Variants in MPZL3 observed in about 807,000 individuals in gnomAD.
MPZL3 encodes the protein myelin protein zero-like protein 3.
A neutral mutation model predicts 24.8 loss-of-function variants in MPZL3; 23 were observed. The ratio of observed to expected loss-of-function variants is 0.93; its 90% CI spans 0.67 to 1.31. MPZL3 has a LOEUF of 1.31. MPZL3 is among the 40% of genes most tolerant of loss of function. The probability of loss-of-function intolerance (pLI) is 0.00; values close to 1 mark genes in which losing one functional copy is unlikely to be tolerated. For synonymous variants in MPZL3, 99 were observed against 106.5 expected, an observed-to-expected ratio of 0.93 and a Z score of 0.44; for missense variants, 277 against 294.9, an observed-to-expected ratio of 0.94 and a Z score of 0.44.
At chr11:118,242,336 A>G (rs1259832476) in intron 1 of MPZL3, among the ~76,000 whole-genome samples, 1 of 152,240 alleles carries the variant, frequency 6.6e-6, no homozygotes, top group African/African-American at 2.4e-5. Flanking sequence ...CATTTTGATC[A>G]TGTTGTTCAT....
chr11:118,244,729 G>C (rs1042978343), intron 1 of MPZL3, among the ~76,000 whole-genome samples: 2 of 152,224 alleles, frequency 1.3e-5, no homozygotes, highest in Admixed American at 6.5e-5. Flanking sequence ...GCCATGGAAA[G>C]TACTTAACTG....
At chr11:118,236,187 C>A (rs1284172181) in intron 3 of MPZL3, among the ~76,000 whole-genome samples, 1 of 152,094 alleles carries the variant, frequency 6.6e-6, no homozygotes, top group Non-Finnish European at 1.5e-5. Context: ...TGCCTTCCAG[C>A]AAAACTGTAT....
chr11:118,240,732 GACACACACACACACAC>G (rs56100329), intron 1 of MPZL3, among the ~76,000 whole-genome samples: 53 of 121,632 alleles, frequency 4.4e-4, no homozygotes, highest in African/African-American at 8.8e-4. Context: ...ATCCCCCGCA[GACACACACACACACAC>G]ACACACACAC....
chr11:118,234,539 T>C (rs935132907), intron 4 of MPZL3, among the ~76,000 whole-genome samples: 1 of 152,124 alleles, frequency 6.6e-6, no homozygotes, highest in Non-Finnish European at 1.5e-5. Flanking sequence ...GGCACATAAA[T>C]AAGTTCATGG....
At chr11:118,232,770 T>G (rs1949370713) in intron 5 of MPZL3, among the ~76,000 whole-genome samples, 1 of 152,172 alleles carries the variant, frequency 6.6e-6, no homozygotes, top group African/African-American at 2.4e-5. Flanking sequence ...CAATTAGTCA[T>G]CGAGCCAAGT....
intron 1 of MPZL3, among the ~76,000 whole-genome samples, chr11:118,248,183 C>G (rs1463571126): frequency 7.1e-6 from 1 of 140,474 alleles, no homozygotes; most frequent in Non-Finnish European, 1.5e-5. Context: ...TCAAATGATT[C>G]TTCTGTATTT....
Position 118,229,864 on chromosome 11 carries a change from G to A in MPZL3, c.*30C>T, listed in dbSNP as rs750575700. 3.7e-6 allele frequency: 6 copies of A among 1,612,042 alleles called. No homozygotes were observed. In the South Asian group the frequency reaches 6.6e-5, roughly 18 times the overall value. ...GGAATGGGATGTTTCCTGTCTTTAG[G>A]TGACTCTTCTTGTGTCATACAGACT... On this transcript the variant is annotated 3_prime_UTR_variant, in exon 6 of 6. Transcript: ENST00000278949.
intron 1 of MPZL3, among the ~76,000 whole-genome samples, chr11:118,246,434 C>T (rs1277418709): frequency 2.0e-5 from 3 of 147,940 alleles, no homozygotes; most frequent in African/African-American, 4.9e-5. Context: ...TAATAATACC[C>T]TTTTTTTTTT....
chr11:118,247,371 AAAAAATAAAAGGTCCAC>A (rs1949568282), intron 1 of MPZL3, among the ~76,000 whole-genome samples: 1 of 152,166 alleles, frequency 6.6e-6, no homozygotes, highest in Non-Finnish European at 1.5e-5. Context: ...ACATTTTTAC[AAAAAATAAAAGGTCCAC>A]ATACATAGGG....
chr11:118,236,739 T>C (rs1591492380), intron 3 of MPZL3, among the ~76,000 whole-genome samples: 1 of 152,124 alleles, frequency 6.6e-6, no homozygotes, highest in South Asian at 2.1e-4. Context: ...TTCACAGAGA[T>C]AACAACCCTA....
chr11:118,244,409 C>T (rs1949533392), intron 1 of MPZL3, among the ~76,000 whole-genome samples: 2 of 152,060 alleles, frequency 1.3e-5, no homozygotes, highest in Admixed American at 6.6e-5. Flanking sequence ...TGGGTACGGC[C>T]CCTGTTATGA....
chr11:118,226,908 A>G lies in MPZL3; in HGVS notation c.*2986T>C, dbSNP rs551982038. Reference sequence around the variant, plus strand: ...AAGTTTCAAGTTGTGCAATTAAATAATAGTCTTGGTCCACTCCTTGTGGGT... The same window carrying G: ...AAGTTTCAAGTTGTGCAATTAAATAGTAGTCTTGGTCCACTCCTTGTGGGT... On this transcript the variant is annotated 3_prime_UTR_variant, in exon 6 of 6. Coordinates refer to ENST00000278949, the MANE Select transcript of MPZL3 (RefSeq NM_198275.3). 1.4e-4 allele frequency: 21 copies of G among 152,372 alleles called. No homozygotes were observed. Among genetic ancestry groups the G allele is most frequent in the Admixed American group, 6.5e-4 (10 of 15,310 alleles). 9.4% of individuals were successfully genotyped at this position (152,372 alleles called of 1,614,324 possible). A position where few individuals can be genotyped will look rare whatever the true frequency, so the allele number is the denominator to read the frequency against.
At chr11:118,241,480 C>T (rs1949498528) in intron 1 of MPZL3, among the ~76,000 whole-genome samples, 1 of 152,182 alleles carries the variant, frequency 6.6e-6, no homozygotes, top group Non-Finnish European at 1.5e-5. Context: ...TAGTAAGTTA[C>T]CGTACTTCTT....
chr11:118,241,828 A>G (rs946531038), intron 1 of MPZL3, among the ~76,000 whole-genome samples: 3 of 152,232 alleles, frequency 2.0e-5, no homozygotes, highest in African/African-American at 7.2e-5. Flanking sequence ...ATAAGAACTC[A>G]TAAGAATCTG....
intron 1 of MPZL3, among the ~76,000 whole-genome samples, chr11:118,250,964 AATTAT>A (rs1284918828): frequency 6.6e-6 from 1 of 152,204 alleles, no homozygotes; most frequent in Non-Finnish European, 1.5e-5. Context: ...TGTTTGATTG[AATTAT>A]ATGGTCTGCT....
intron 1 of MPZL3, among the ~76,000 whole-genome samples, chr11:118,241,659 C>T (rs1239761569): frequency 6.6e-6 from 1 of 152,214 alleles, no homozygotes. Context: ...CCTCTTCAGT[C>T]CTGCCCACAC....
rs775794257 is a variant in MPZL3, at chr11:118,228,295, C to T, written c.*1599G>A. 1.5e-4 allele frequency: 23 copies of T among 151,974 alleles called. No individual in the cohort carries two copies. The highest frequency in any genetic ancestry group is 8.3e-4 in the South Asian group (4 of 4,814). 9.4% of individuals were successfully genotyped at this position (151,974 alleles called of 1,614,324 possible). On this transcript the variant is annotated 3_prime_UTR_variant, in exon 6 of 6. Coordinates refer to ENST00000278949, the MANE Select transcript of MPZL3 (RefSeq NM_198275.3). ...TTAAACTAACATATACAGTCTGAAG[C>T]GCTGTAATATGGAAACTTCCTGAAC...
rs138380301 is a variant in MPZL3, at chr11:118,233,414, G to A, written c.681+46C>T. The A allele has an allele frequency of 1.2e-5, 20 of 1,606,502 alleles. No homozygotes were observed. The African/African-American group carries it at 1.7e-4, about 14-fold the overall frequency. On this transcript the variant is annotated intron_variant, in intron 5 of 5. Transcript: ENST00000278949. ...AGGATGGATCCTCTTAGGTAAGCAG[G>A]AAAGTGGGACATCAACAGTAAGCAG...
intron 1 of MPZL3, among the ~76,000 whole-genome samples, chr11:118,244,849 G>A (rs1949539530): frequency 6.6e-6 from 1 of 152,194 alleles, no homozygotes; most frequent in African/African-American, 2.4e-5. Flanking sequence ...GGCCGAGGCG[G>A]GTGGATCACG....
Sources: gnomAD v4.1 joint callset for allele counts (sites outside exome capture counted in the v4.1 genomes callset) on GRCh38, gnomAD v4.1.1 for gene constraint, MANE v1.5 for transcripts, NCBI Gene and HGNC (gene_info 2026-07-23, HGNC 2026-07-21) for gene names.